The following PAPSS1 variants were observed in gnomAD, a reference collection of about 807,000 sequenced individuals.
PAPSS1 encodes bifunctional 3'-phosphoadenosine 5'-phosphosulfate synthase 1.
PAPSS1 carries 50 observed loss-of-function variants against 72.0 expected under a neutral mutation model. The ratio of observed to expected loss-of-function variants is 0.69; its 90% CI spans 0.55 to 0.88. The LOEUF (loss-of-function observed/expected upper bound fraction) is 0.88. PAPSS1 is among the 40% of genes least tolerant of loss of function. The pLI, the probability that PAPSS1 is intolerant of heterozygous loss-of-function variation, is 0.00. For synonymous variants in PAPSS1, 261 were observed against 263.6 expected, an observed-to-expected ratio of 0.99 and a Z score of 0.09; for missense variants, 657 against 782.2, an observed-to-expected ratio of 0.84 and a Z score of 1.91.
chr4:107,688,479 A>C (rs1398861610), intron 3 of PAPSS1, among the ~76,000 whole-genome samples: 2 of 152,174 alleles, frequency 1.3e-5, no homozygotes, highest in Non-Finnish European at 2.9e-5. Context: ...AGCATAATGA[A>C]CTAACAAATC....
At chr4:107,649,751 T>C (rs940760149) in intron 9 of PAPSS1, among the ~76,000 whole-genome samples, 1 of 152,262 alleles carries the variant, frequency 6.6e-6, no homozygotes, top group Non-Finnish European at 1.5e-5. Flanking sequence ...GCTATAAAGC[T>C]TTCTCAGATT....
chr4:107,677,934 C>G (rs9784507), intron 5 of PAPSS1, among the ~76,000 whole-genome samples: 6 of 151,614 alleles, frequency 4.0e-5, no homozygotes, highest in East Asian at 1.9e-4. Context: ...ACTATCGCAA[C>G]GACAAAAAAC....
intron 5 of PAPSS1, among the ~76,000 whole-genome samples, chr4:107,661,496 T>C (rs1053441756): frequency 6.6e-6 from 1 of 152,166 alleles, no homozygotes; most frequent in African/African-American, 2.4e-5. Flanking sequence ...AATGCTATAT[T>C]AGTCAACTCT....
At chr4:107,656,699 G>A (rs1727021266) in intron 7 of PAPSS1, among the ~76,000 whole-genome samples, 197 bp downstream of exon 7, 1 of 152,138 alleles carries the variant, frequency 6.6e-6, no homozygotes, top group African/African-American at 2.4e-5. Context: ...CAATAAATAA[G>A]AGTCAGGACA....
rs776968623 is a variant in PAPSS1 at position 107,644,761 on chromosome 4, G to T, written c.1506+41C>A. 3.2e-6 allele frequency: 5 copies of T among 1,560,218 alleles called. No individual in the cohort carries two copies. The Admixed American group carries it at 8.8e-5, about 27-fold the overall frequency. On this transcript the variant is annotated intron_variant, in intron 10 of 11. Transcript: ENST00000265174. ...GACACTAGCTGTGTTAGTAAGAGTG[G>T]CTTTAACACTGCTGCAGTGAAAATC...
At chr4:107,665,676 A>G (rs1205197537) in intron 5 of PAPSS1, among the ~76,000 whole-genome samples, 1 of 152,200 alleles carries the variant, frequency 6.6e-6, no homozygotes, top group Non-Finnish European at 1.5e-5. Context: ...ATGAGAGGTG[A>G]ATTCCGTAAC....
intron 10 of PAPSS1, among the ~76,000 whole-genome samples, chr4:107,643,367 C>A (rs542507279): frequency 1.1e-4 from 17 of 152,192 alleles, no homozygotes; most frequent in Non-Finnish European, 1.6e-4. Context: ...CCTGGAAACA[C>A]GGAGGTATAA....
chr4:107,679,435 C>T (rs1003301115), intron 5 of PAPSS1, among the ~76,000 whole-genome samples: 24 of 152,046 alleles, frequency 1.6e-4, no homozygotes, highest in African/African-American at 5.3e-4. Context: ...ATAAGGACAG[C>T]CAAATCCAGC....
intron 1 of PAPSS1, among the ~76,000 whole-genome samples, chr4:107,713,455 T>A (rs1723549354): frequency 6.6e-6 from 1 of 152,008 alleles, no homozygotes; most frequent in African/African-American, 2.4e-5. Flanking sequence ...CACTGAATTG[T>A]ACACTTAAAA....
intron 10 of PAPSS1, among the ~76,000 whole-genome samples, chr4:107,637,044 G>T (rs72883533): frequency 0.035 from 5,335 of 152,208 alleles, 285 homozygotes; most frequent in African/African-American, 0.12. Flanking sequence ...GAAAATTTTA[G>T]TTCTATAATG....
intron 10 of PAPSS1, among the ~76,000 whole-genome samples, chr4:107,640,330 A>G (rs1444393497): frequency 6.6e-6 from 1 of 152,222 alleles, no homozygotes; most frequent in Non-Finnish European, 1.5e-5. Flanking sequence ...TTTATAGACT[A>G]TAAAATCAGG....
In PAPSS1 at chr4:107,693,214, C is replaced by G. The variant is rs1444229017; in HGVS notation, c.411+557G>C. ...CCATCTATAACTGGAAGTCAGCTGA[C>G]ACTGTGAAAACAGGAACAGGAGGGA... On this transcript the variant is annotated intron_variant, in intron 3 of 11. Coordinates refer to ENST00000265174, the MANE Select transcript of PAPSS1 (RefSeq NM_005443.5). Among the ~76,000 whole-genome samples, 3 of 152,118 alleles carry G rather than the reference C, an allele frequency of 2.0e-5. No homozygotes were observed. The East Asian group carries it at 5.8e-4, about 29-fold the overall frequency.
At chr4:107,628,347 C>T (rs750290356) in intron 11 of PAPSS1, among the ~76,000 whole-genome samples, 2 of 152,146 alleles carry the variant, frequency 1.3e-5, no homozygotes, top group Non-Finnish European at 2.9e-5. Context: ...CAACAAACTA[C>T]ATCCATTTTA....
At chr4:107,652,528 A>G (rs550665914) in intron 9 of PAPSS1, among the ~76,000 whole-genome samples, 1 of 152,304 alleles carries the variant, frequency 6.6e-6, no homozygotes, top group Admixed American at 6.5e-5. Context: ...CCGCTCTTAA[A>G]TAACTTTTTC....
chr4:107,619,892 A>C (rs778087246), intron 11 of PAPSS1, among the ~76,000 whole-genome samples: 2 of 152,224 alleles, frequency 1.3e-5, no homozygotes, highest in African/African-American at 2.4e-5. Flanking sequence ...GGGGAAAAAA[A>C]CCCGAAATGA....
At chr4:107,715,741 A>G (rs964995367) in intron 1 of PAPSS1, among the ~76,000 whole-genome samples, 1 of 152,228 alleles carries the variant, frequency 6.6e-6, no homozygotes, top group African/African-American at 2.4e-5. Flanking sequence ...AAAGGCACAT[A>G]CAAAGTTTAA....
Position 107,642,986 on chromosome 4 carries a change from G to A in PAPSS1, c.1506+1816C>T, listed in dbSNP as rs555364884. The stretch of plus-strand genomic sequence containing the variant: ...AAAAGACATGCACTAAAACCTTCAC[G>A]CCAGCGCTATTCTTAAGAGCAAAAA... On this transcript the variant is annotated intron_variant, in intron 10 of 11. Coordinates refer to ENST00000265174, the MANE Select transcript of PAPSS1 (RefSeq NM_005443.5). Among the ~76,000 whole-genome samples, 7 of 152,180 alleles carry A rather than the reference G, an allele frequency of 4.6e-5. No homozygotes were observed. The South Asian group carries it at 1.0e-3, about 23-fold the overall frequency.
At chr4:107,647,198 G>A (rs141272878) in intron 9 of PAPSS1, among the ~76,000 whole-genome samples, 1 of 152,278 alleles carries the variant, frequency 6.6e-6, no homozygotes, top group East Asian at 1.9e-4. Flanking sequence ...ATAAATACAT[G>A]TTAAAAGGAA....
chr4:107,619,192 C>A (rs2110294990), intron 11 of PAPSS1, among the ~76,000 whole-genome samples: 1 of 152,320 alleles, frequency 6.6e-6, no homozygotes, highest in Middle Eastern at 3.4e-3. Context: ...AAAGTCCTTT[C>A]TTTCCCCAGA....
Sources: allele counts gnomAD v4.1 joint callset (sites outside exome capture counted in the v4.1 genomes callset), GRCh38; gene constraint gnomAD v4.1.1; transcripts MANE v1.5; gene names NCBI Gene and HGNC (gene_info 2026-07-23, HGNC 2026-07-21).